Variants in ANKRD26 observed in about 807,000 individuals in gnomAD.
ANKRD26 encodes the protein ankyrin repeat domain 26.
Under a neutral mutation model 208.7 loss-of-function variants are expected in ANKRD26, and 141 were observed. That is an observed-to-expected ratio of 0.68 (90% CI 0.59 to 0.78). The LOEUF (loss-of-function observed/expected upper bound fraction) is 0.78. Ranked by LOEUF, ANKRD26 falls within the 30% of genes least tolerant of loss-of-function variation. ANKRD26 has a pLI of 0.00. For missense variants in ANKRD26, 1,889 were observed against 1,938.7 expected (o/e 0.97, Z 0.48); for synonymous variants, 636 against 660.4 (o/e 0.96, Z 0.57).
chr10:27,059,949 C>T (rs1166370420), intron 15 of ANKRD26, among the ~76,000 whole-genome samples: 1 of 150,626 alleles, frequency 6.6e-6, no homozygotes, highest in African/African-American at 2.4e-5. Context: ...CCTGTAATCC[C>T]AGAATTTTGG....
chr10:26,968,046 G>A, the ANKRD26 span, among the ~76,000 whole-genome samples: 1 of 152,092 alleles, frequency 6.6e-6, no homozygotes. Flanking sequence ...TCTGGGTCAC[G>A]CTTTTCTCCT....
chr10:26,972,029 A>C (rs892598408), downstream of ANKRD26, among the ~76,000 whole-genome samples: 9 of 152,236 alleles, frequency 5.9e-5, no homozygotes, highest in Non-Finnish European at 7.4e-5. Flanking sequence ...AAGTCAGGAG[A>C]TCGAGACCAT....
At position 26,995,488 on chromosome 10, in the gene ANKRD26, T is replaced by TA. The variant is rs1057425176; in HGVS notation, c.563-342dup. Among the ~76,000 whole-genome samples the TA allele has an allele frequency of 3.9e-5, 6 of 152,166 alleles. No homozygotes were observed. In the East Asian group the frequency reaches 9.6e-4, roughly 24 times the overall value. ...ATGCAATTCCTCCACTTTCATATGC[T>TA]AAAAAAAGGAAGGCAGAGAAAAGAG... On this transcript the variant is annotated intron_variant, in intron 4 of 5. Transcript: ENST00000445828.
chr10:27,018,619 T>C (rs2053384706), intron 29 of ANKRD26, among the ~76,000 whole-genome samples: 2 of 152,176 alleles, frequency 1.3e-5, no homozygotes, highest in Admixed American at 6.5e-5. Flanking sequence ...TAATTTGACT[T>C]GCATTCCAAG....
At chr10:27,042,958 A>G (rs535593937) in intron 20 of ANKRD26, among the ~76,000 whole-genome samples, 2 of 151,304 alleles carry the variant, frequency 1.3e-5, no homozygotes, top group South Asian at 4.2e-4. Flanking sequence ...GTCTCAAAAA[A>G]AAAAAAAAAA....
chr10:27,074,934 T>A (rs2055642306), intron 9 of ANKRD26, among the ~76,000 whole-genome samples: 1 of 152,032 alleles, frequency 6.6e-6, no homozygotes. Flanking sequence ...CTATCTATAG[T>A]CTCCTTAAAT....
chr10:26,991,813 A>G (rs1469278397), downstream of ANKRD26: 1 of 152,204 alleles, frequency 6.6e-6, no homozygotes, highest in Non-Finnish European at 1.5e-5. Flanking sequence ...CTTTCACTGA[A>G]TACACAATTT....
intron 15 of ANKRD26, among the ~76,000 whole-genome samples, chr10:27,057,218 C>G (rs2054869038): frequency 6.6e-6 from 1 of 152,228 alleles, no homozygotes; most frequent in South Asian, 2.1e-4. Flanking sequence ...TACAAACACA[C>G]TACTCCTCCA....
intron 3 of ANKRD26, 93 bp from the exon 4 acceptor site, chr10:27,092,605 T>C (rs757278001): frequency 2.8e-5 from 26 of 938,518 alleles, no homozygotes; most frequent in Middle Eastern, 2.2e-4. Context: ...AACTGAAACA[T>C]ATAAAATAGA....
In ANKRD26 at chr10:27,033,309, T is replaced by C; in HGVS notation, c.3723A>G (p.Ser1241=). 5 of 1,612,858 alleles carry C rather than the reference T, an allele frequency of 3.1e-6. No homozygotes were observed. The highest frequency in any genetic ancestry group is 4.2e-6 in the Non-Finnish European group (5 of 1,179,128). The change falls in exon 25 of 34, where the codon TCA becomes TCG. Residue 1241 remains serine, a synonymous_variant. Transcript: ENST00000376087. ...TACGATAACGTGACGTAACCTCCAG[T>C]GAAGCCTCTGACATAGATTGTTTTT... ...TLKKQSMSEA[S]LEVTSRYRIN...
At chr10:27,036,347 TA>T (rs1235261653) in intron 23 of ANKRD26, among the ~76,000 whole-genome samples, 26 of 148,464 alleles carry the variant, frequency 1.8e-4, no homozygotes, top group African/African-American at 3.5e-4. Context: ...AAGGAAAAGT[TA>T]AAAAAAAAAA....
chr10:27,099,147 T>C (rs1338125537), intron 1 of ANKRD26, among the ~76,000 whole-genome samples: 1 of 152,130 alleles, frequency 6.6e-6, no homozygotes, highest in Non-Finnish European at 1.5e-5. Context: ...CCCACCACCA[T>C]GCCTAGCTAA....
intron 29 of ANKRD26, 128 bp downstream of exon 29, chr10:27,022,429 GT>G (rs1041549679): frequency 5.8e-6 from 4 of 694,984 alleles, no homozygotes; most frequent in Admixed American, 3.4e-5. Flanking sequence ...TTTAAAAAAA[GT>G]TTTTTTATTA....
At chr10:27,009,512 T>C (rs2053015026) in intron 32 of ANKRD26, among the ~76,000 whole-genome samples, 1 of 152,164 alleles carries the variant, frequency 6.6e-6, no homozygotes, top group Admixed American at 6.6e-5. Flanking sequence ...ACACAGTGCC[T>C]GATACAGACT....
intron 10 of ANKRD26, 102 bp downstream of exon 10, chr10:27,067,055 C>T (rs988361595): frequency 1.5e-6 from 2 of 1,362,352 alleles, no homozygotes; most frequent in Admixed American, 1.7e-5. Flanking sequence ...GATCCACCTG[C>T]CTCAGCCTCC....
intron 1 of ANKRD26, among the ~76,000 whole-genome samples, chr10:27,099,814 A>G (rs973988098): frequency 1.3e-5 from 2 of 152,262 alleles, no homozygotes; most frequent in African/African-American, 2.4e-5. Flanking sequence ...AAAACGCTGT[A>G]CGTGCTTTTG....
intron 15 of ANKRD26, among the ~76,000 whole-genome samples, chr10:27,056,731 C>A (rs1198855592): frequency 6.6e-6 from 1 of 151,960 alleles, no homozygotes; most frequent in Non-Finnish European, 1.5e-5. Context: ...GAGCTGAGAT[C>A]ATGCCATTGC....
At chr10:26,975,499 T>C (rs942440055) in exon 6 of ANKRD26, among the ~76,000 whole-genome samples, 10 of 146,374 alleles carry the variant, frequency 6.8e-5, no homozygotes, top group African/African-American at 2.5e-4. Flanking sequence ...AGTGCTGGGA[T>C]AACAGGCATG....
chr10:26,979,834 A>T (rs2052281210), intron 5 of ANKRD26, among the ~76,000 whole-genome samples: 1 of 152,218 alleles, frequency 6.6e-6, no homozygotes, highest in Admixed American at 6.5e-5. Context: ...CTGAGGGAAG[A>T]GTCCTCAGAC....
Sources: gnomAD v4.1 joint callset for allele counts (sites outside exome capture counted in the v4.1 genomes callset) on GRCh38, gnomAD v4.1.1 for gene constraint, MANE v1.5 for transcripts, NCBI Gene and HGNC (gene_info 2026-07-23, HGNC 2026-07-21) for gene names.